The following ASIC2 variants were observed in gnomAD, a reference collection of about 807,000 sequenced individuals.
ASIC2 encodes acid-sensing ion channel 2.
In ASIC2, 25 loss-of-function variants were observed where a neutral mutation model predicts 57.3. The ratio of observed to expected loss-of-function variants is 0.44; its 90% CI spans 0.32 to 0.61. The LOEUF is 0.61. Among genes scored for constraint, ASIC2 ranks in the 20% least tolerant of loss-of-function variants. The pLI is 0.06. For missense variants in ASIC2, 641 were observed against 738.1 expected (o/e 0.87, Z 1.52); for synonymous variants, 319 against 307.5 (o/e 1.04, Z -0.39).
At chr17:33,990,767 G>A (rs1905978895) in intron 1 of ASIC2, among the ~76,000 whole-genome samples, 1 of 152,176 alleles carries the variant, frequency 6.6e-6, no homozygotes. Flanking sequence ...GGTGCACCAA[G>A]GAGGGAGTGA....
chr17:33,422,002 A>C (rs1057026495), intron 1 of ASIC2, among the ~76,000 whole-genome samples: 1 of 152,116 alleles, frequency 6.6e-6, no homozygotes, highest in African/African-American at 2.4e-5. Context: ...GTTTTTCCCA[A>C]CTGTATCTGC....
intron 1 of ASIC2, among the ~76,000 whole-genome samples, chr17:33,285,350 A>T (rs1905107299): frequency 6.6e-6 from 1 of 152,218 alleles, no homozygotes; most frequent in Admixed American, 6.5e-5. Context: ...TGTCTATTTA[A>T]TCACCATCCT....
intron 1 of ASIC2, among the ~76,000 whole-genome samples, chr17:33,961,940 A>G (rs1271823745): frequency 1.3e-5 from 2 of 152,172 alleles, no homozygotes; most frequent in Admixed American, 1.3e-4. Flanking sequence ...TAACACCTAC[A>G]AATCCTTCAA....
chr17:33,694,170 C>T (rs886156512), intron 1 of ASIC2, among the ~76,000 whole-genome samples: 2 of 152,104 alleles, frequency 1.3e-5, no homozygotes, highest in Non-Finnish European at 2.9e-5. Flanking sequence ...GTAATATTCC[C>T]GAGTCATCTG....
Position 33,129,010 on chromosome 17 carries a change from G to A in ASIC2, c.709-16943C>T, listed in dbSNP as rs368872319. Among the ~76,000 whole-genome samples, 22 of 152,270 alleles carry A rather than the reference G, an allele frequency of 1.4e-4. 1 individual carries two copies. The highest frequency in any genetic ancestry group is 9.2e-4 in the Admixed American group (14 of 15,288). On this transcript the variant is annotated intron_variant, in intron 1 of 9. Coordinates refer to ENST00000225823, the MANE Select transcript of ASIC2 (RefSeq NM_183377.2). ...CTAGACACAGCTTAGCTTAGCATAGGCACTCAGTAGAAATTTGTTGAATGA... is the reference window on the plus strand; with the variant it reads ...CTAGACACAGCTTAGCTTAGCATAGACACTCAGTAGAAATTTGTTGAATGA...
chr17:33,190,099 C>CT (rs1407662128), intron 1 of ASIC2, among the ~76,000 whole-genome samples: 4 of 152,122 alleles, frequency 2.6e-5, no homozygotes, highest in Non-Finnish European at 2.9e-5. Context: ...GTAAAACTGA[C>CT]TTTTTTCACA....
intron 1 of ASIC2, among the ~76,000 whole-genome samples, chr17:33,872,884 G>T (rs531612115): frequency 1.6e-4 from 24 of 152,240 alleles, no homozygotes; most frequent in African/African-American, 5.5e-4. Flanking sequence ...CCTGGCCCAC[G>T]CATGGGCACC....
intron 1 of ASIC2, among the ~76,000 whole-genome samples, chr17:33,194,130 G>A (rs1204333881): frequency 6.6e-6 from 1 of 152,170 alleles, no homozygotes; most frequent in Non-Finnish European, 1.5e-5. Flanking sequence ...CTAGGTGCCA[G>A]TCCCATCTGA....
intron 2 of ASIC2, 139 bp downstream of exon 2, chr17:33,111,778 A>G: frequency 8.0e-7 from 1 of 1,244,408 alleles, no homozygotes; most frequent in Non-Finnish European, 1.1e-6. Context: ...GGACATCTTT[A>G]TGATCTAGCA....
At chr17:33,158,299 ATGAG>A (rs201672369) in intron 1 of ASIC2, among the ~76,000 whole-genome samples, 2,408 of 151,998 alleles carry the variant, frequency 0.016, 67 homozygotes, top group African/African-American at 0.055. Context: ...GAATGAATGA[ATGAG>A]TGAATCCTGC....
intron 1 of ASIC2, among the ~76,000 whole-genome samples, chr17:33,955,927 T>C (rs1904720367): frequency 6.6e-6 from 1 of 152,214 alleles, no homozygotes; most frequent in Admixed American, 6.5e-5. Context: ...ATTTTTGTAT[T>C]ATGTTCTCTC....
At chr17:33,297,062 C>G (rs186123776), upstream of ASIC2, among the ~76,000 whole-genome samples, 9 of 152,298 alleles carry the variant, frequency 5.9e-5, no homozygotes, top group East Asian at 1.5e-3. Flanking sequence ...GGGACCCACA[C>G]AAAAATAACT....
chr17:33,116,497 G>A (rs964562610), intron 1 of ASIC2, among the ~76,000 whole-genome samples: 2 of 152,222 alleles, frequency 1.3e-5, no homozygotes, highest in African/African-American at 4.8e-5. Context: ...CCTGGTAAGT[G>A]CTGACAGGCC....
chr17:33,667,699 A>G (rs189378730), intron 1 of ASIC2, among the ~76,000 whole-genome samples: 160 of 152,338 alleles, frequency 1.1e-3, no homozygotes, highest in Non-Finnish European at 1.8e-3. Context: ...ACACAAATTT[A>G]CTAGCTTACA....
At chr17:33,581,764 C>A (rs927697059) in intron 1 of ASIC2, among the ~76,000 whole-genome samples, 1 of 152,188 alleles carries the variant, frequency 6.6e-6, no homozygotes, top group Non-Finnish European at 1.5e-5. Context: ...AAGGGATGGT[C>A]CCTGCTTGGT....
chr17:33,201,155 T>G (rs899090205), intron 1 of ASIC2, among the ~76,000 whole-genome samples: 1 of 152,240 alleles, frequency 6.6e-6, no homozygotes, highest in Non-Finnish European at 1.5e-5. Context: ...TATGTTTTAC[T>G]TATGTATCTT....
intron 1 of ASIC2, among the ~76,000 whole-genome samples, chr17:34,102,654 T>C (rs574666045): frequency 1.3e-5 from 2 of 152,332 alleles, no homozygotes; most frequent in African/African-American, 4.8e-5. Context: ...TATCAATAGA[T>C]GCTTACTTTC....
chr17:33,787,660 TG>T (rs995649085), intron 1 of ASIC2, among the ~76,000 whole-genome samples: 47 of 152,252 alleles, frequency 3.1e-4, no homozygotes, highest in African/African-American at 1.1e-3. Context: ...AGTAAAACAG[TG>T]GCAAGGTTCA....
chr17:33,820,561 C>T (rs917548440), intron 1 of ASIC2, among the ~76,000 whole-genome samples: 1 of 152,020 alleles, frequency 6.6e-6, no homozygotes, highest in African/African-American at 2.4e-5. Context: ...GTATACAAGT[C>T]AGTCAATAAG....
Sources: gnomAD v4.1 joint callset for allele counts (sites outside exome capture counted in the v4.1 genomes callset) on GRCh38, gnomAD v4.1.1 for gene constraint, MANE v1.5 for transcripts, NCBI Gene and HGNC (gene_info 2026-07-23, HGNC 2026-07-21) for gene names.